The following SLC44A3 variants were observed in gnomAD, a reference collection of about 807,000 sequenced individuals.
SLC44A3 encodes solute carrier family 44 member 3.
SLC44A3 carries 74 observed loss-of-function variants against 75.4 expected under a neutral mutation model. The observed-to-expected ratio is 0.98, with a 90% CI of 0.81 to 1.19. The LOEUF is 1.19. Among genes scored for constraint, SLC44A3 ranks in the 50% most tolerant of loss-of-function variants. The pLI is 0.00. For missense variants in SLC44A3, 700 were observed against 778.6 expected (o/e 0.90, Z 1.20); for synonymous variants, 310 against 296.9 (o/e 1.04, Z -0.45).
intron 12 of SLC44A3, among the ~76,000 whole-genome samples, chr1:94,876,489 G>A (rs974790217): frequency 1.3e-5 from 2 of 152,182 alleles, no homozygotes; most frequent in African/African-American, 4.8e-5. Flanking sequence ...TTGTCCTACG[G>A]CATTAAGACT....
At position 94,828,726 on chromosome 1, in the gene SLC44A3, C is replaced by G. The variant is rs1661714720; in HGVS notation, c.509+140C>G. The G allele has an allele frequency of 3.9e-5, 25 of 638,090 alleles. No individual in the cohort carries two copies. In the South Asian group the frequency reaches 5.5e-4, roughly 14 times the overall value. The allele number at this position is 638,090 out of a possible 1,614,324, so 39.5% of individuals were successfully genotyped here. ...GCAGGGAGCTTACAGTCTACGGAGG[C>G]CAGCGATAAAAACATGGAGGGACTA... On this transcript the variant is annotated intron_variant, in intron 5 of 14. Coordinates refer to ENST00000271227, the MANE Select transcript of SLC44A3 (RefSeq NM_001114106.3).
At chr1:94,862,451 G>A (rs887467467) in intron 10 of SLC44A3, among the ~76,000 whole-genome samples, 2 of 152,224 alleles carry the variant, frequency 1.3e-5, no homozygotes, top group Non-Finnish European at 2.9e-5. Flanking sequence ...TTACAAAACA[G>A]TACTTTGTAC....
At chr1:94,892,608 A>G in intron 14 of SLC44A3, 91 bp downstream of exon 14, 2 of 1,262,464 alleles carry the variant, frequency 1.6e-6, no homozygotes, top group Non-Finnish European at 2.3e-6. Context: ...GCTCATACCC[A>G]GCCTCTCTCT....
chr1:94,894,761 A>G (rs1670592707), intron 14 of SLC44A3, 57 bp from the exon 15 acceptor site: 1 of 1,447,222 alleles, frequency 6.9e-7, no homozygotes, highest in Non-Finnish European at 9.5e-7. Context: ...CTCGGCCCCT[A>G]CGTTATCAAC....
At chr1:94,839,237 G>C (rs1663235939) in intron 6 of SLC44A3, among the ~76,000 whole-genome samples, 1 of 152,078 alleles carries the variant, frequency 6.6e-6, no homozygotes, top group Non-Finnish European at 1.5e-5. Context: ...TTTAATAAGA[G>C]TACCTTAGAA....
At chr1:94,875,674 C>T (rs1668199445) in intron 12 of SLC44A3, among the ~76,000 whole-genome samples, 2 of 152,084 alleles carry the variant, frequency 1.3e-5, no homozygotes, top group African/African-American at 4.8e-5. Context: ...GGAACATTTG[C>T]ATCCTGGGAA....
At chr1:94,835,970 G>A (rs930050743) in intron 5 of SLC44A3, among the ~76,000 whole-genome samples, 2 of 152,186 alleles carry the variant, frequency 1.3e-5, no homozygotes, top group African/African-American at 4.8e-5. Flanking sequence ...AACACCGTTT[G>A]TGTTACTCTT....
At chr1:94,856,656 C>T (rs1571309664) in intron 9 of SLC44A3, among the ~76,000 whole-genome samples, 1 of 152,112 alleles carries the variant, frequency 6.6e-6, no homozygotes, top group East Asian at 1.9e-4. Context: ...TTTAGAGTCC[C>T]ATGTGTTTAG....
At chr1:94,881,422 C>A (rs943317501) in intron 12 of SLC44A3, among the ~76,000 whole-genome samples, 5 of 152,216 alleles carry the variant, frequency 3.3e-5, no homozygotes, top group African/African-American at 1.2e-4. Context: ...AAGAACCAAT[C>A]GGCCAGGCGC....
At chr1:94,820,843 A>T in intron 1 of SLC44A3, 106 bp from the exon 2 acceptor site, 1 of 1,323,160 alleles carries the variant, frequency 7.6e-7, no homozygotes, top group Non-Finnish European at 1.0e-6. Context: ...AAAAATTTAG[A>T]AAAAGATTGG....
rs545818379 is a variant in SLC44A3, at chr1:94,829,281, C to CA, written c.509+706dup. 3.9e-3 allele frequency among the ~76,000 whole-genome samples: 382 copies of CA among 97,392 alleles called. 1 individual carries two copies. The highest frequency in any genetic ancestry group is 5.4e-3 in the Non-Finnish European group (247 of 45,874). The allele number at this position is 97,392 out of a possible 152,430, so 63.9% of individuals were successfully genotyped here. On this transcript the variant is annotated intron_variant, in intron 5 of 14. Coordinates refer to ENST00000271227, the MANE Select transcript of SLC44A3 (RefSeq NM_001114106.3). The stretch of plus-strand genomic sequence containing the variant: ...CTGGTGACAGAGCGGGAATCTGTCT[C>CA]AAAAAAAAAAAGAAAATCGTTTACT...
intron 9 of SLC44A3, among the ~76,000 whole-genome samples, chr1:94,856,961 C>T (rs1225109294): frequency 6.6e-6 from 1 of 152,068 alleles, no homozygotes; most frequent in African/African-American, 2.4e-5. Flanking sequence ...GAACTCCTGA[C>T]CTCAGGTGAT....
chr1:94,894,079 A>C (rs1670508689), intron 14 of SLC44A3, among the ~76,000 whole-genome samples: 1 of 152,014 alleles, frequency 6.6e-6, no homozygotes, highest in African/African-American at 2.4e-5. Flanking sequence ...TGGGCGACAG[A>C]GGGTGACTCC....
rs775048644 is a variant in SLC44A3 at position 94,864,755 on chromosome 1, T to C, written c.1251T>C (p.Asp417=). 1 of 1,612,116 alleles carries C rather than the reference T, an allele frequency of 6.2e-7. No homozygotes were observed. Among genetic ancestry groups the C allele is most frequent in the Non-Finnish European group, 8.5e-7 (1 of 1,179,276 alleles). Residue 417 remains aspartate (D), a synonymous_variant, in exon 11 of 15, where the codon GAT becomes GAC. Coordinates refer to ENST00000271227, the MANE Select transcript of SLC44A3 (RefSeq NM_001114106.3). The stretch of plus-strand genomic sequence containing the variant: ...TCCCTATTTCCAGAAGTAAAAATGA[T>C]CCTCCTGATCATCCCATCCTTTCGT... ...VTCYFNRSKN[D]PPDHPILSSL... is the part of the protein sequence containing the mutation.
At chr1:94,874,666 T>TA (rs1571397798) in intron 12 of SLC44A3, among the ~76,000 whole-genome samples, 1 of 152,316 alleles carries the variant, frequency 6.6e-6, no homozygotes, top group East Asian at 1.9e-4. Context: ...AAGACAAGAA[T>TA]ACCAGCCACT....
chr1:94,825,291 T>C (rs1043504596), intron 3 of SLC44A3, among the ~76,000 whole-genome samples: 3 of 152,236 alleles, frequency 2.0e-5, no homozygotes, highest in African/African-American at 7.2e-5. Context: ...AGATTTTAGC[T>C]CTTGCTTCAC....
At chr1:94,831,865 G>T (rs1409127114) in intron 5 of SLC44A3, among the ~76,000 whole-genome samples, 3 of 152,122 alleles carry the variant, frequency 2.0e-5, no homozygotes, top group Non-Finnish European at 4.4e-5. Flanking sequence ...GAAACCTCAG[G>T]CCATGGCCTA....
chr1:94,892,610 C>G, intron 14 of SLC44A3, 93 bp downstream of exon 14: 1 of 1,238,770 alleles, frequency 8.1e-7, no homozygotes, highest in East Asian at 2.3e-5. Context: ...TCATACCCAG[C>G]CTCTCTCTTC....
chr1:94,886,099 C>A (rs1032500518), intron 12 of SLC44A3, among the ~76,000 whole-genome samples: 2 of 152,234 alleles, frequency 1.3e-5, no homozygotes, highest in African/African-American at 4.8e-5. Flanking sequence ...TGGCTTATGA[C>A]TGCTGGCGGG....
Sources: allele counts gnomAD v4.1 joint callset (sites outside exome capture counted in the v4.1 genomes callset), GRCh38; gene constraint gnomAD v4.1.1; transcripts MANE v1.5; gene names NCBI Gene and HGNC (gene_info 2026-07-23, HGNC 2026-07-21).